GSK3B: variants seen among roughly 807,000 people sequenced by gnomAD.
GSK3B encodes the protein glycogen synthase kinase 3 beta.
A neutral mutation model predicts 56.4 loss-of-function variants in GSK3B; 15 were observed. The ratio of observed to expected loss-of-function variants is 0.27; its 90% CI spans 0.18 to 0.41. The LOEUF (loss-of-function observed/expected upper bound fraction) is 0.41, where lower values mean the gene tolerates loss of function less well. Ranked by LOEUF, GSK3B falls within the 10% of genes least tolerant of loss-of-function variation. The probability of loss-of-function intolerance (pLI) is 1.00; values close to 1 mark genes in which losing one functional copy is unlikely to be tolerated. For missense variants in GSK3B, 300 were observed against 513.4 expected (o/e 0.58, Z 4.02); for synonymous variants, 181 against 188.9 (o/e 0.96, Z 0.34).
chr3:120,015,177 G>T (rs1389847803), intron 1 of GSK3B, among the ~76,000 whole-genome samples: 1 of 152,168 alleles, frequency 6.6e-6, no homozygotes, highest in East Asian at 1.9e-4. Context: ...GCCACTTAGT[G>T]GGTGCTCAAT....
At chr3:119,933,565 CAT>C (rs1265966010) in intron 3 of GSK3B, among the ~76,000 whole-genome samples, 3 of 152,184 alleles carry the variant, frequency 2.0e-5, no homozygotes, top group Non-Finnish European at 4.4e-5. Context: ...AAAAAGCCCA[CAT>C]GATAGTATGT....
chr3:120,070,749 T>C (rs2107563695), intron 1 of GSK3B, among the ~76,000 whole-genome samples: 1 of 152,326 alleles, frequency 6.6e-6, no homozygotes, highest in African/African-American at 2.4e-5. Flanking sequence ...GCTTAGTCTT[T>C]TCCTTGTATA....
In GSK3B at chr3:119,890,696, ATATTT is replaced by A. The variant is rs548085074; in HGVS notation, c.814-14193_814-14189del. Among the ~76,000 whole-genome samples the A allele has an allele frequency of 1.7e-4, 26 of 151,650 alleles. No homozygotes were observed. The South Asian group carries it at 5.2e-3, about 31-fold the overall frequency. On this transcript the variant is annotated intron_variant, in intron 7 of 10. Coordinates refer to ENST00000264235, the MANE Select transcript of GSK3B (RefSeq NM_001146156.2). ...TACTAAACTGTCATTTAAAATGCCT[ATATTT>A]TATTACATATAAATTATATTTCTAT...
At chr3:119,912,968 A>C (rs1024266053) in intron 5 of GSK3B, among the ~76,000 whole-genome samples, 158 bp from the exon 6 acceptor site, 1 of 152,170 alleles carries the variant, frequency 6.6e-6, no homozygotes, top group Non-Finnish European at 1.5e-5. Context: ...ACTATCTCTA[A>C]TAAAAGAAAT....
chr3:119,960,366 T>C (rs144669621), intron 2 of GSK3B, among the ~76,000 whole-genome samples: 231 of 152,218 alleles, frequency 1.5e-3, no homozygotes, highest in Middle Eastern at 3.4e-3. Flanking sequence ...TGTGATGTTC[T>C]GTATCTTTAC....
intron 1 of GSK3B, among the ~76,000 whole-genome samples, chr3:120,064,548 G>A (rs1272110090): frequency 6.6e-6 from 1 of 152,124 alleles, no homozygotes; most frequent in Non-Finnish European, 1.5e-5. Context: ...CTGTGTTCAT[G>A]GATAGGAAGA....
chr3:120,046,549 G>C (rs897261416), intron 1 of GSK3B, among the ~76,000 whole-genome samples: 3 of 152,086 alleles, frequency 2.0e-5, no homozygotes, highest in African/African-American at 7.2e-5. Flanking sequence ...ATGGTTCTAA[G>C]CCACTAGAGT....
chr3:119,997,333 A>G (rs969238848), intron 2 of GSK3B, among the ~76,000 whole-genome samples: 5 of 152,192 alleles, frequency 3.3e-5, no homozygotes, highest in Non-Finnish European at 7.4e-5. Context: ...ATGTATTTAC[A>G]TGGAGGAAGA....
intron 1 of GSK3B, among the ~76,000 whole-genome samples, chr3:120,067,379 A>T (rs2058289375): frequency 1.3e-5 from 2 of 152,188 alleles, no homozygotes. Flanking sequence ...TTGAAAATGC[A>T]CTTAATACAC....
intron 4 of GSK3B, among the ~76,000 whole-genome samples, chr3:119,922,329 A>G (rs1431884403): frequency 1.3e-5 from 2 of 148,488 alleles, no homozygotes; most frequent in African/African-American, 4.9e-5. Flanking sequence ...CATAAAGTAT[A>G]TATATACTTT....
intron 2 of GSK3B, among the ~76,000 whole-genome samples, chr3:119,981,643 G>C (rs1479887224): frequency 6.6e-6 from 1 of 152,282 alleles, no homozygotes; most frequent in Non-Finnish European, 1.5e-5. Context: ...GGCTGGGGAA[G>C]GGTGTCTGCC....
intron 1 of GSK3B, among the ~76,000 whole-genome samples, chr3:120,059,642 T>C (rs2199503): frequency 0.79 from 119,717 of 152,160 alleles, 47,993 homozygotes; most frequent in African/African-American, 0.95. Context: ...AAATCTTAGT[T>C]CAACTTCCTC....
chr3:120,040,165 T>G (rs970368633), intron 1 of GSK3B, among the ~76,000 whole-genome samples: 1 of 152,256 alleles, frequency 6.6e-6, no homozygotes, highest in Non-Finnish European at 1.5e-5. Context: ...GTTGGGATTC[T>G]GGAGGTTAAA....
intron 3 of GSK3B, among the ~76,000 whole-genome samples, chr3:119,928,865 AT>A (rs1279021465): frequency 1.3e-5 from 2 of 152,168 alleles, no homozygotes; most frequent in Admixed American, 6.5e-5. Context: ...GACAGTATCT[AT>A]TTTAAAGAAC....
chr3:120,004,297 C>T (rs2057705996), intron 1 of GSK3B, among the ~76,000 whole-genome samples: 1 of 152,220 alleles, frequency 6.6e-6, no homozygotes, highest in Non-Finnish European at 1.5e-5. Context: ...CACAGCTGAG[C>T]AAGGCCTACT....
chr3:119,918,498 A>C (rs111604664), intron 4 of GSK3B, among the ~76,000 whole-genome samples: 180 of 151,138 alleles, frequency 1.2e-3, no homozygotes, highest in African/African-American at 4.3e-3. Flanking sequence ...AAAACAAAAC[A>C]AAAAAAAAGC....
At chr3:119,962,375 C>CAAAAAAAA (rs71156779) in intron 2 of GSK3B, among the ~76,000 whole-genome samples, 9 of 120,476 alleles carry the variant, frequency 7.5e-5, no homozygotes, top group African/African-American at 2.9e-4. Context: ...AACTCTGTCT[C>CAAAAAAAA]AAAAAAAAAA....
At chr3:120,008,087 A>G (rs982961960) in intron 1 of GSK3B, among the ~76,000 whole-genome samples, 9 of 152,218 alleles carry the variant, frequency 5.9e-5, no homozygotes, top group African/African-American at 2.2e-4. Context: ...TTATACACCA[A>G]TAACAGACAA....
intron 1 of GSK3B, among the ~76,000 whole-genome samples, chr3:120,080,829 CAAA>C: frequency 7.3e-6 from 1 of 136,162 alleles, no homozygotes; most frequent in African/African-American, 2.7e-5. Context: ...GACTCAGTCT[CAAA>C]AAAAAAAAGA....
Sources: allele counts gnomAD v4.1 joint callset (sites outside exome capture counted in the v4.1 genomes callset), GRCh38; gene constraint gnomAD v4.1.1; transcripts MANE v1.5; gene names NCBI Gene and HGNC (gene_info 2026-07-23, HGNC 2026-07-21).